WDR72: variants seen among roughly 807,000 people sequenced by gnomAD.
WDR72 encodes the protein WD repeat-containing protein 72.
A neutral mutation model predicts 124.2 loss-of-function variants in WDR72; 120 were observed. That is an observed-to-expected ratio of 0.97 (90% CI 0.83 to 1.12). WDR72 has a LOEUF of 1.12. Ranked by LOEUF, WDR72 falls within the 50% of genes most tolerant of loss-of-function variation. The pLI, the probability that WDR72 is intolerant of heterozygous loss-of-function variation, is 0.00. For synonymous variants in WDR72, 452 were observed against 441.7 expected, an observed-to-expected ratio of 1.02 and a Z score of -0.29; for missense variants, 1,387 against 1,278.8, an observed-to-expected ratio of 1.08 and a Z score of -1.29.
chr15:53,679,228 A>G (rs1193571636), intron 13 of WDR72, among the ~76,000 whole-genome samples: 1 of 152,184 alleles, frequency 6.6e-6, no homozygotes, highest in Non-Finnish European at 1.5e-5. Flanking sequence ...AGTTGTGGAG[A>G]TGGATGATGG....
At chr15:53,621,081 A>G (rs1228270019) in intron 14 of WDR72, among the ~76,000 whole-genome samples, 3 of 152,118 alleles carry the variant, frequency 2.0e-5, no homozygotes, top group African/African-American at 7.2e-5. Flanking sequence ...GGATAATTCA[A>G]ATCAAAACCA....
At chr15:53,641,436 G>C (rs1208121267) in intron 14 of WDR72, among the ~76,000 whole-genome samples, 3 of 151,654 alleles carry the variant, frequency 2.0e-5, no homozygotes, top group Non-Finnish European at 2.9e-5. Flanking sequence ...AAGAAGGAAG[G>C]CTCCAGCCAT....
intron 18 of WDR72, among the ~76,000 whole-genome samples, chr15:53,569,017 T>C (rs1446907478): frequency 6.6e-6 from 1 of 151,982 alleles, no homozygotes; most frequent in African/African-American, 2.4e-5. Context: ...TTGGGAGAAA[T>C]GGAAGAATGC....
chr15:53,537,261 G>A (rs772168628), intron 18 of WDR72, among the ~76,000 whole-genome samples: 2 of 152,054 alleles, frequency 1.3e-5, no homozygotes, highest in Non-Finnish European at 2.9e-5. Context: ...TAAGAGTGAT[G>A]GTTTAATTGA....
At chr15:53,658,889 A>G (rs969293508) in intron 14 of WDR72, among the ~76,000 whole-genome samples, 4 of 152,218 alleles carry the variant, frequency 2.6e-5, no homozygotes, top group African/African-American at 9.6e-5. Flanking sequence ...ACAGAAGAGA[A>G]AAGAACAGGT....
intron 2 of WDR72, among the ~76,000 whole-genome samples, chr15:53,726,264 G>GTGTGTGTATATATA (rs1555428779): frequency 4.5e-5 from 5 of 110,356 alleles, no homozygotes; most frequent in African/African-American, 2.3e-4. Flanking sequence ...ATGTATGTGT[G>GTGTGTGTATATATA]TATATATATA....
intron 13 of WDR72, among the ~76,000 whole-genome samples, chr15:53,689,908 C>G (rs2016779650): frequency 1.3e-5 from 2 of 151,514 alleles, no homozygotes; most frequent in African/African-American, 4.9e-5. Flanking sequence ...GAGTTCATGT[C>G]CTTTGTAGGG....
chr15:53,689,261 C>A (rs1257077520), intron 13 of WDR72, among the ~76,000 whole-genome samples: 2 of 151,022 alleles, frequency 1.3e-5, no homozygotes, highest in Non-Finnish European at 2.9e-5. Flanking sequence ...AAGAAACTAC[C>A]ATCAGAGTGA....
At chr15:53,529,982 T>C (rs1381419754) in intron 18 of WDR72, among the ~76,000 whole-genome samples, 3 of 151,844 alleles carry the variant, frequency 2.0e-5, no homozygotes, top group Admixed American at 2.0e-4. Flanking sequence ...ACCAGGTAAT[T>C]CTAAGAGTTC....
chr15:53,741,925 A>C (rs1196482393), intron 1 of WDR72, among the ~76,000 whole-genome samples: 1 of 152,104 alleles, frequency 6.6e-6, no homozygotes, highest in Non-Finnish European at 1.5e-5. Context: ...ATCGGGTTTC[A>C]CCATGTTGGC....
intron 18 of WDR72, among the ~76,000 whole-genome samples, chr15:53,565,433 T>G (rs1380969780): frequency 2.6e-5 from 4 of 152,050 alleles, no homozygotes; most frequent in South Asian, 2.1e-4. Flanking sequence ...CATTAACAGC[T>G]TCTTGCGTGT....
intron 19 of WDR72, 123 bp from the exon 20 acceptor site, chr15:53,517,877 G>T: frequency 1.1e-6 from 1 of 891,600 alleles, no homozygotes. Flanking sequence ...AGAAGGGAGA[G>T]AATGAGGAAA....
intron 18 of WDR72, among the ~76,000 whole-genome samples, chr15:53,552,012 T>C (rs1893748720): frequency 6.6e-6 from 1 of 152,170 alleles, no homozygotes; most frequent in African/African-American, 2.4e-5. Context: ...TTCAGCCATC[T>C]GCTGCTGAGC....
Position 53,524,960 on chromosome 15 carries a change from G to C in WDR72, c.3149-1638C>G, listed in dbSNP as rs536126093. 1.5e-3 allele frequency among the ~76,000 whole-genome samples: 228 copies of C among 152,128 alleles called. 1 individual carries two copies. Among genetic ancestry groups the C allele is most frequent in the African/African-American group, 5.1e-3 (213 of 41,534 alleles). On this transcript the variant is annotated intron_variant, in intron 18 of 19. Transcript: ENST00000360509. Reference sequence around the variant, plus strand: ...GTCCTTCTGATCCAAGAGGATATGTGCTTTCAATTATCTTTTCAATGGATC... The same window carrying C: ...GTCCTTCTGATCCAAGAGGATATGTCCTTTCAATTATCTTTTCAATGGATC...
intron 2 of WDR72, among the ~76,000 whole-genome samples, chr15:53,731,715 T>A (rs2018208164): frequency 6.6e-6 from 1 of 151,782 alleles, no homozygotes; most frequent in African/African-American, 2.4e-5. Context: ...TGTGCCACAG[T>A]AGCCAGTTTT....
intron 18 of WDR72, among the ~76,000 whole-genome samples, chr15:53,578,933 T>C (rs899757296): frequency 1.1e-4 from 16 of 152,150 alleles, no homozygotes; most frequent in African/African-American, 3.9e-4. Context: ...AGTCTATAAA[T>C]GAACCATAAA....
intron 14 of WDR72, among the ~76,000 whole-genome samples, chr15:53,632,738 T>C (rs143100721): frequency 2.2e-4 from 33 of 152,228 alleles, no homozygotes; most frequent in African/African-American, 8.0e-4. Context: ...ATGTGAGACA[T>C]GGAGTCAAAG....
intron 18 of WDR72, among the ~76,000 whole-genome samples, chr15:53,592,332 A>G (rs770133674): frequency 6.6e-6 from 1 of 152,034 alleles, no homozygotes; most frequent in Non-Finnish European, 1.5e-5. Context: ...TGCACTTACT[A>G]CAAATAATGG....
upstream of WDR72, among the ~76,000 whole-genome samples, chr15:53,760,716 T>G (rs1287519433): frequency 6.6e-6 from 1 of 152,214 alleles, no homozygotes; most frequent in East Asian, 1.9e-4. Context: ...GGTTGCTGGA[T>G]CATATGGTAG....
Sources: gnomAD v4.1 joint callset for allele counts (sites outside exome capture counted in the v4.1 genomes callset) on GRCh38, gnomAD v4.1.1 for gene constraint, MANE v1.5 for transcripts, NCBI Gene and HGNC (gene_info 2026-07-23, HGNC 2026-07-21) for gene names.